The following SGSH variants were observed in gnomAD, a reference collection of about 807,000 sequenced individuals.
The protein encoded by SGSH is heparan sulfate sulfatase.
Under a neutral mutation model 51.0 loss-of-function variants are expected in SGSH, and 48 were observed. That is an observed-to-expected ratio of 0.94 (90% CI 0.75 to 1.20). The LOEUF (loss-of-function observed/expected upper bound fraction) is 1.20. Ranked by LOEUF, SGSH falls within the 50% of genes most tolerant of loss-of-function variation. The probability of loss-of-function intolerance (pLI) is 0.00; values close to 1 mark genes in which losing one functional copy is unlikely to be tolerated. For missense variants in SGSH, 662 were observed against 717.8 expected (o/e 0.92, Z 0.89); for synonymous variants, 321 against 313.4 (o/e 1.02, Z -0.26).
At chr17:80,206,947 C>A, downstream of SGSH, 1 of 1,575,592 alleles carries the variant, frequency 6.3e-7, no homozygotes, top group Non-Finnish European at 8.7e-7. Flanking sequence ...TCTTGACTCA[C>A]TTCTTCTCTC....
chr17:80,203,207 T>C (rs2041082892), downstream of SGSH: 2 of 151,070 alleles, frequency 1.3e-5, no homozygotes, highest in African/African-American at 2.4e-5. This position sits in a 1 kb window ranked among gnomAD's most constrained non-coding sequence, Gnocchi z 4.6. Context: ...GAGGCAGAGG[T>C]TGCAGTGAGC....
chr17:80,208,401 C>A, downstream of SGSH: 1 of 1,449,098 alleles, frequency 6.9e-7, no homozygotes, highest in Non-Finnish European at 9.3e-7. Context: ...TTAATGCAGT[C>A]CTGTTCCTCA....
intron 1 of SGSH, among the ~76,000 whole-genome samples, chr17:80,218,801 C>G (rs554697570): frequency 6.6e-6 from 1 of 152,272 alleles, no homozygotes; most frequent in South Asian, 2.1e-4. Context: ...AGACAGGGTC[C>G]TTAATTAAGG....
At chr17:80,204,875 A>G, downstream of SGSH, 1 of 620,554 alleles carries the variant, frequency 1.6e-6, no homozygotes, top group Non-Finnish European at 2.7e-6. Context: ...GGGGCTATGG[A>G]ACTGGGAGTG....
downstream of SGSH, chr17:80,204,967 C>T: frequency 7.3e-7 from 1 of 1,370,658 alleles, no homozygotes; most frequent in South Asian, 1.4e-5. Context: ...CCAGTCCCTC[C>T]CGGGGCAGGG....
intron 2 of SGSH, 122 bp downstream of exon 2, chr17:80,216,910 G>A (rs1324272722): frequency 2.1e-6 from 2 of 945,406 alleles, no homozygotes; most frequent in African/African-American, 3.3e-5. Flanking sequence ...TCCTGGAGGT[G>A]GGAGGGAAAG....
chr17:80,203,809 C>T, downstream of SGSH: 1 of 1,562,874 alleles, frequency 6.4e-7, no homozygotes. This position sits in a 1 kb window ranked among gnomAD's most constrained non-coding sequence, Gnocchi z 4.6. Flanking sequence ...AGGGCCTCTG[C>T]TGGTCTCTGC....
chr17:80,207,097 C>G, downstream of SGSH: 2 of 1,596,290 alleles, frequency 1.3e-6, no homozygotes, highest in Non-Finnish European at 1.7e-6. Flanking sequence ...TAGGTGCACG[C>G]TGGGGGCTGG....
At position 80,215,094 on chromosome 17, in the gene SGSH, G is replaced by A; in HGVS notation, c.294C>T (p.Phe98=). 1.2e-6 allele frequency: 2 copies of A among 1,612,496 alleles called. No homozygotes were observed. The highest frequency in any genetic ancestry group is 1.7e-6 in the Non-Finnish European group (2 of 1,179,976). ...MYGLHQDVHH[F]NSFDKVRSLP... is the part of the protein sequence containing the mutation. ...GGCTCCGCACCTTGTCGAAGGAGTT[G>A]AAGTGGTGCACGTCCTGGTGCAGCC... Residue 98 remains phenylalanine, a synonymous_variant, in exon 3 of 8, where the codon TTC becomes TTT. Transcript: ENST00000326317.
In SGSH at chr17:80,209,348, C is replaced by A. The variant is rs1197948184; in HGVS notation, c.*1104G>T. On this transcript the variant is annotated 3_prime_UTR_variant, in exon 8 of 8. Transcript: ENST00000326317. Reference sequence around the variant, plus strand: ...TTTACAATAGCTGGCCTGTGGCCTCCTCCAGCCCACCCCAGTATGGAGTGA... The same window carrying A: ...TTTACAATAGCTGGCCTGTGGCCTCATCCAGCCCACCCCAGTATGGAGTGA... 3 of 985,340 alleles carry A rather than the reference C, an allele frequency of 3.0e-6. No individual in the cohort carries two copies. Among genetic ancestry groups the A allele is most frequent in the Non-Finnish European group, 3.6e-6 (3 of 829,942 alleles). The allele number at this position is 985,340 out of a possible 1,614,324, so 61.0% of individuals were successfully genotyped here. A position where few individuals can be genotyped will look rare whatever the true frequency, so the allele number is the denominator to read the frequency against.
intron 1 of SGSH, 83 bp downstream of exon 1, chr17:80,220,143 A>G: frequency 9.7e-7 from 1 of 1,029,836 alleles, no homozygotes; most frequent in Admixed American, 2.5e-5. Flanking sequence ...TAGGGTCAGC[A>G]TTGACCACGG....
intron 2 of SGSH, among the ~76,000 whole-genome samples, chr17:80,216,100 G>A (rs1377429028): frequency 9.2e-5 from 14 of 152,206 alleles, no homozygotes; most frequent in African/African-American, 2.9e-4. Context: ...AGGTCGAGGC[G>A]GGCAGATCAC....
rs767649680 is a variant in SGSH, at chr17:80,210,699, G to T, written c.1262C>A (p.Thr421Lys). The change falls in exon 8 of 8, where the codon ACG (threonine) becomes AAG (lysine). Residue 421 changes from threonine (T) to lysine (K), a missense_variant. Thr to Lys is a moderately conservative substitution (Grantham distance 78). Transcript: ENST00000326317. ...LLNRTTAGQP[T>K]GWYKDLRHYY... ...ATGACGGAGGTCCTTGTACCAGCCC[G>T]TGGGCTGACCAGCTGTGGTGCGGTT... 6.2e-7 allele frequency: 1 copy of T among 1,614,064 alleles called. No individual in the cohort carries two copies. Among genetic ancestry groups the T allele is most frequent in the Non-Finnish European group, 8.5e-7 (1 of 1,180,018 alleles).
At chr17:80,219,188 GAAAGAAAGGAA>G (rs1159582068) in intron 1 of SGSH, among the ~76,000 whole-genome samples, 3 of 143,518 alleles carry the variant, frequency 2.1e-5, no homozygotes, top group African/African-American at 7.8e-5. Context: ...AAAAAAAAAG[GAAAGAAAGGAA>G]AAAGAAAGGA....
downstream of SGSH, chr17:80,202,086 G>T (rs2041007485): frequency 1.2e-5 from 15 of 1,276,294 alleles, no homozygotes; most frequent in Non-Finnish European, 1.6e-5. Context: ...AGACTGGGAG[G>T]GTCCTTCCTT....
chr17:80,211,118 A>C, intron 7 of SGSH, 107 bp from the exon 8 acceptor site: 1 of 1,538,970 alleles, frequency 6.5e-7, no homozygotes, highest in South Asian at 1.2e-5. Context: ...CTCCAATCCA[A>C]TCAGCAGCGG....
downstream of SGSH, chr17:80,206,913 C>T (rs1384223743): frequency 7.3e-7 from 1 of 1,363,018 alleles, no homozygotes; most frequent in Non-Finnish European, 1.0e-6. Context: ...CGTTGGCTCC[C>T]TTTGCTTCCT....
intron 1 of SGSH, among the ~76,000 whole-genome samples, chr17:80,219,229 C>G (rs529834898): frequency 9.9e-5 from 15 of 151,632 alleles, no homozygotes; most frequent in Non-Finnish European, 1.5e-5. Context: ...GAGACCACCC[C>G]CATCCGCTTG....
chr17:80,215,268 C>G, intron 2 of SGSH, 130 bp from the exon 3 acceptor site: 1 of 704,724 alleles, frequency 1.4e-6, no homozygotes, highest in Non-Finnish European at 2.6e-6. Context: ...GAGTGGCCAG[C>G]ACCCAGAGAC....
Sources: allele counts gnomAD v4.1 joint callset (sites outside exome capture counted in the v4.1 genomes callset), GRCh38; gene constraint gnomAD v4.1.1; non-coding constraint Gnocchi (gnomAD v3.1); transcripts MANE v1.5; gene names NCBI Gene and HGNC (gene_info 2026-07-23, HGNC 2026-07-21).